Variants in EPHB1 observed in about 807,000 individuals in gnomAD.
EPHB1 encodes the protein ephrin type-B receptor 1.
In EPHB1, 30 loss-of-function variants were observed where a neutral mutation model predicts 94.4. The observed-to-expected ratio is 0.32, with a 90% CI of 0.24 to 0.43. The LOEUF is 0.43. Ranked by LOEUF, EPHB1 falls within the 20% of genes least tolerant of loss-of-function variation. EPHB1 has a pLI of 1.00. For synonymous variants in EPHB1, 522 were observed against 489.1 expected, an observed-to-expected ratio of 1.07 and a Z score of -0.89; for missense variants, 1,055 against 1,308.3, an observed-to-expected ratio of 0.81 and a Z score of 2.99.
chr3:135,206,390 CAT>C lies in EPHB1; in HGVS notation c.2346+4704_2346+4705del, dbSNP rs560839202. Among the ~76,000 whole-genome samples the C allele has an allele frequency of 4.6e-5, 7 of 152,266 alleles. No homozygotes were observed. In the East Asian group the frequency reaches 1.4e-3, roughly 29 times the overall value. ...ATATATTATTCATTTTTTATTGAAT[CAT>C]ATGTCATCCTTGACATATTAAGTTC... On this transcript the variant is annotated intron_variant, in intron 12 of 15. Transcript: ENST00000398015.
At chr3:135,063,057 A>G (rs1576355977) in intron 3 of EPHB1, among the ~76,000 whole-genome samples, 1 of 152,096 alleles carries the variant, frequency 6.6e-6, no homozygotes, top group East Asian at 1.9e-4. Context: ...GCCTATTTTT[A>G]TAACAGTACC....
rs114788932 is a variant in EPHB1 at position 135,043,555 on chromosome 3, G to T, written c.806-62893G>T. ...TATACCTTTCCATACCATCTTCTCT[G>T]CTTTGACTATCAAGGAGCAGGCCTC... On this transcript the variant is annotated intron_variant, in intron 3 of 15. Transcript: ENST00000398015. Among the ~76,000 whole-genome samples, 431 of 152,138 alleles carry T rather than the reference G, an allele frequency of 2.8e-3. 2 individuals are homozygous for T. The highest frequency in any genetic ancestry group is 9.8e-3 in the African/African-American group (408 of 41,506).
intron 3 of EPHB1, among the ~76,000 whole-genome samples, chr3:135,029,889 A>G (rs1320708548): frequency 1.3e-5 from 2 of 151,960 alleles, no homozygotes; most frequent in Admixed American, 6.6e-5. Flanking sequence ...GTCTTTTCAC[A>G]TAGTCCCATA....
chr3:134,963,541 T>C (rs907437877), intron 3 of EPHB1, among the ~76,000 whole-genome samples: 2 of 152,198 alleles, frequency 1.3e-5, no homozygotes, highest in Non-Finnish European at 2.9e-5. Context: ...AGTGACGGTG[T>C]GCTAGATGCT....
At chr3:134,798,934 G>A (rs905311480) in intron 1 of EPHB1, among the ~76,000 whole-genome samples, 1 of 152,208 alleles carries the variant, frequency 6.6e-6, no homozygotes, top group Non-Finnish European at 1.5e-5. Flanking sequence ...GCCTCAGAGT[G>A]CGGCACACTG....
chr3:135,227,891 C>T (rs990778514), intron 12 of EPHB1, among the ~76,000 whole-genome samples: 38 of 152,112 alleles, frequency 2.5e-4, no homozygotes, highest in African/African-American at 9.2e-4. Flanking sequence ...CTCTTTCTCT[C>T]TCTGTAAAAT....
chr3:134,932,686 T>C (rs1419210468), intron 2 of EPHB1, among the ~76,000 whole-genome samples: 1 of 152,240 alleles, frequency 6.6e-6, no homozygotes, highest in African/African-American at 2.4e-5. Context: ...GGTAAACACT[T>C]AGGAAATGTT....
chr3:134,953,928 C>T (rs967027439), intron 3 of EPHB1, among the ~76,000 whole-genome samples: 1 of 152,204 alleles, frequency 6.6e-6, no homozygotes, highest in Non-Finnish European at 1.5e-5. Flanking sequence ...TTCCCAGTCT[C>T]GATCCCCTCC....
rs955349330 is a variant in EPHB1 at position 135,094,519 on chromosome 3, T to C, written c.806-11929T>C. ...CACAACTCCTCCCATGTCCTTCCCT[T>C]GCCATTCTATTCTGAGGCAGGCAGG... is the stretch of plus-strand genomic sequence containing the variant. On this transcript the variant is annotated intron_variant, in intron 3 of 15. Coordinates refer to ENST00000398015, the MANE Select transcript of EPHB1 (RefSeq NM_004441.5). Among the ~76,000 whole-genome samples the C allele has an allele frequency of 2.0e-5, 3 of 152,164 alleles. No homozygotes were observed. The East Asian group carries it at 5.8e-4, about 29-fold the overall frequency.
intron 12 of EPHB1, among the ~76,000 whole-genome samples, chr3:135,213,439 C>G (rs1479996489): frequency 1.3e-5 from 2 of 152,208 alleles, no homozygotes; most frequent in African/African-American, 4.8e-5. Flanking sequence ...TTCAAATAAA[C>G]ATTCCCATGC....
At chr3:135,204,393 A>G (rs368758663) in intron 12 of EPHB1, among the ~76,000 whole-genome samples, 5 of 151,930 alleles carry the variant, frequency 3.3e-5, no homozygotes, top group African/African-American at 1.2e-4. Flanking sequence ...TTCAGTAGAG[A>G]TGGGTTTTCG....
intron 12 of EPHB1, among the ~76,000 whole-genome samples, chr3:135,227,819 G>A (rs530681595): frequency 8.5e-5 from 13 of 152,094 alleles, no homozygotes; most frequent in East Asian, 3.9e-4. Flanking sequence ...ACATTTGCCC[G>A]GATTCTTTAC....
chr3:135,153,179 T>A (rs1017822130), intron 5 of EPHB1, among the ~76,000 whole-genome samples: 19 of 152,242 alleles, frequency 1.2e-4, no homozygotes, highest in African/African-American at 4.1e-4. Context: ...GGATAGTAAA[T>A]GTCACTCAGC....
chr3:134,929,302 G>A (rs751602015), intron 2 of EPHB1, among the ~76,000 whole-genome samples: 5 of 152,200 alleles, frequency 3.3e-5, no homozygotes, highest in African/African-American at 1.2e-4. Flanking sequence ...GGTTTGGAGG[G>A]TGAGGCATGT....
intron 5 of EPHB1, among the ~76,000 whole-genome samples, chr3:135,151,662 C>G (rs1393410802): frequency 1.3e-5 from 2 of 152,176 alleles, no homozygotes; most frequent in Non-Finnish European, 2.9e-5. Flanking sequence ...TGGTACTTGA[C>G]AGATGCTCAA....
intron 3 of EPHB1, among the ~76,000 whole-genome samples, chr3:135,098,098 T>A (rs888819217): frequency 3.9e-5 from 6 of 152,298 alleles, no homozygotes; most frequent in African/African-American, 1.4e-4. Context: ...ACCTCTGCTG[T>A]AGAAATTTTA....
At chr3:135,114,581 G>A (rs1043929596) in intron 4 of EPHB1, among the ~76,000 whole-genome samples, 2 of 145,920 alleles carry the variant, frequency 1.4e-5, no homozygotes, top group East Asian at 2.0e-4. Flanking sequence ...AAAATTAGCC[G>A]GGCGTGGTGG....
chr3:135,192,504 A>G (rs1942486968), intron 10 of EPHB1, 72 bp from the exon 11 acceptor site: 3 of 1,557,970 alleles, frequency 1.9e-6, no homozygotes, highest in East Asian at 4.5e-5. Flanking sequence ...ATTGTTCTCC[A>G]TTAGATGACT....
intron 12 of EPHB1, among the ~76,000 whole-genome samples, chr3:135,208,290 CGTGTGTGTGTG>C (rs878878067): frequency 7.0e-6 from 1 of 142,684 alleles, no homozygotes; most frequent in Non-Finnish European, 1.5e-5. Context: ...CCTTTCATGA[CGTGTGTGTGTG>C]TGTGTGTGTG....
Sources: gnomAD v4.1 joint callset for allele counts (sites outside exome capture counted in the v4.1 genomes callset) on GRCh38, gnomAD v4.1.1 for gene constraint, MANE v1.5 for transcripts, NCBI Gene and HGNC (gene_info 2026-07-23, HGNC 2026-07-21) for gene names.